Variants in MMRN1 observed in about 807,000 individuals in gnomAD.
MMRN1 encodes the protein multimerin 1.
MMRN1 carries 94 observed loss-of-function variants against 100.7 expected under a neutral mutation model. The ratio of observed to expected loss-of-function variants is 0.93; its 90% CI spans 0.79 to 1.11. The LOEUF (loss-of-function observed/expected upper bound fraction) is 1.11. Among genes scored for constraint, MMRN1 ranks in the 50% least tolerant of loss-of-function variants. The pLI, the probability that MMRN1 is intolerant of heterozygous loss-of-function variation, is 0.00. For missense variants in MMRN1, 1,606 were observed against 1,439.1 expected, an observed-to-expected ratio of 1.12 and a Z score of -1.88; for synonymous variants, 575 against 505.0, an observed-to-expected ratio of 1.14 and a Z score of -1.86.
At chr4:89,951,368 C>A (rs908804232) in intron 6 of MMRN1, 5 of 366,238 alleles carry the variant, frequency 1.4e-5, no homozygotes, top group Non-Finnish European at 2.4e-5. Flanking sequence ...CATTTCACAC[C>A]AATAAATGTA....
rs1721164167 is a variant in MMRN1, at chr4:89,895,353, G to A, written c.382G>A (p.Gly128Arg). The A allele has an allele frequency of 3.1e-6, 5 of 1,613,782 alleles. 1 individual carries two copies. Among genetic ancestry groups the A allele is most frequent in the Middle Eastern group, 3.3e-4 (2 of 6,082 alleles). Residue 128 changes from glycine to arginine, a missense_variant, in exon 1 of 8, where the codon GGA (glycine) becomes AGA (arginine). Physicochemically the swap from Gly to Arg is moderately radical, Grantham distance 125. Transcript: ENST00000264790. ...PTNASIKFNPGAESVVLSNST... is the reference protein window; with the variant it reads ...PTNASIKFNPRAESVVLSNST... ...CAACGCTAGCATCAAGTTCAATCCT[G>A]GAGCAGAATCAGTGGTCCTTTCCAA...
chr4:89,932,586 G>C (rs1302265768), intron 5 of MMRN1, among the ~76,000 whole-genome samples: 1 of 152,160 alleles, frequency 6.6e-6, no homozygotes, highest in Non-Finnish European at 1.5e-5. Context: ...TCTAGGTGGA[G>C]GTTCCCAAAC....
intron 6 of MMRN1, among the ~76,000 whole-genome samples, chr4:89,948,745 G>C (rs1374382225): frequency 1.3e-5 from 2 of 152,148 alleles, no homozygotes; most frequent in Non-Finnish European, 2.9e-5. Flanking sequence ...CAGAGACTTG[G>C]AAAGTCCAGA....
chr4:89,943,057 A>C (rs912689454), intron 6 of MMRN1, among the ~76,000 whole-genome samples: 2 of 152,130 alleles, frequency 1.3e-5, no homozygotes, highest in Admixed American at 6.6e-5. Flanking sequence ...GTAAGAGCAG[A>C]GTCAGAGGAA....
chr4:89,891,371 C>T (rs182099696), upstream of MMRN1, among the ~76,000 whole-genome samples: 3 of 152,062 alleles, frequency 2.0e-5, no homozygotes, highest in Admixed American at 6.5e-5. Context: ...TTCATCTATT[C>T]GTTCACTGAT....
chr4:89,944,746 A>G (rs1722935192), intron 6 of MMRN1, among the ~76,000 whole-genome samples: 1 of 152,172 alleles, frequency 6.6e-6, no homozygotes, highest in Admixed American at 6.6e-5. Context: ...CATTTGGTAA[A>G]ATAATAAGTT....
chr4:89,896,188 C>A (rs1452936101), intron 1 of MMRN1, among the ~76,000 whole-genome samples: 1 of 152,034 alleles, frequency 6.6e-6, no homozygotes, highest in Non-Finnish European at 1.5e-5. Context: ...TAAAACTTTG[C>A]AGGGTTCTCG....
chr4:89,913,078 T>G (rs546829472), intron 3 of MMRN1, among the ~76,000 whole-genome samples: 1 of 151,260 alleles, frequency 6.6e-6, no homozygotes, highest in African/African-American at 2.4e-5. Context: ...CTGAAAATAT[T>G]TGGAAATAAG....
chr4:89,901,696 A>C (rs1407881731), intron 1 of MMRN1, among the ~76,000 whole-genome samples: 1 of 152,064 alleles, frequency 6.6e-6, no homozygotes, highest in Admixed American at 6.6e-5. Flanking sequence ...CAGTGAAATA[A>C]ACACTACATA....
intron 1 of MMRN1, among the ~76,000 whole-genome samples, chr4:89,905,522 T>C (rs925451109): frequency 4.6e-5 from 7 of 151,586 alleles, no homozygotes; most frequent in Admixed American, 2.0e-4. Flanking sequence ...TGAGATCTTA[T>C]ACTTTCTCAA....
At chr4:89,909,158 T>TA in intron 1 of MMRN1, 118 bp from the exon 2 acceptor site, 1 of 1,025,548 alleles carries the variant, frequency 9.8e-7, no homozygotes, top group South Asian at 1.8e-5. Flanking sequence ...ATAGCAATCT[T>TA]ACAAGGTTTC....
chr4:89,941,089 C>A (rs1722807381), intron 6 of MMRN1, among the ~76,000 whole-genome samples: 1 of 152,062 alleles, frequency 6.6e-6, no homozygotes, highest in Non-Finnish European at 1.5e-5. Context: ...TATGATTTTC[C>A]ATATTATAAA....
At chr4:89,949,681 ATAGTT>A (rs1029156982) in intron 6 of MMRN1, among the ~76,000 whole-genome samples, 1 of 152,252 alleles carries the variant, frequency 6.6e-6, no homozygotes, top group Non-Finnish European at 1.5e-5. Flanking sequence ...AATAAGGAAA[ATAGTT>A]TATAGAATAT....
intron 4 of MMRN1, among the ~76,000 whole-genome samples, chr4:89,924,893 A>C (rs1722200233): frequency 1.3e-5 from 2 of 152,068 alleles, no homozygotes; most frequent in African/African-American, 4.8e-5. Flanking sequence ...TTTAACTTTC[A>C]GTTTTTGTGG....
chr4:89,897,713 C>T (rs569886003), intron 1 of MMRN1, among the ~76,000 whole-genome samples: 134 of 152,208 alleles, frequency 8.8e-4, no homozygotes, highest in African/African-American at 3.0e-3. Context: ...ATGTTGGGAA[C>T]AATTTGATGA....
chr4:89,934,878 A>G lies in MMRN1; in HGVS notation c.1198A>G (p.Asn400Asp). The G allele has an allele frequency of 6.3e-7, 1 of 1,591,464 alleles. No homozygotes were observed. The highest frequency in any genetic ancestry group is 8.5e-7 in the Non-Finnish European group (1 of 1,173,408). Residue 400 changes from asparagine to aspartate, a missense_variant, in exon 6 of 8, where the codon AAT (asparagine) becomes GAT (aspartate). Transcript: ENST00000264790. ...AAGAGAACAATTTAAAATTTTTCAA[A>G]ATGACATGCAAGAGACTGTAGCACA... ...IVREQFKIFQNDMQETVAQLF... is the reference protein window; with the variant it reads ...IVREQFKIFQDDMQETVAQLF...
intron 1 of MMRN1, among the ~76,000 whole-genome samples, chr4:89,896,980 C>T (rs1229579493): frequency 6.6e-6 from 1 of 152,052 alleles, no homozygotes; most frequent in African/African-American, 2.4e-5. Flanking sequence ...ATTAAAAAAA[C>T]ATTTAACAGA....
At chr4:89,917,956 A>G (rs1721974258) in intron 3 of MMRN1, among the ~76,000 whole-genome samples, 1 of 151,832 alleles carries the variant, frequency 6.6e-6, no homozygotes, top group African/African-American at 2.4e-5. Context: ...TAAATATCCT[A>G]TTTAATTAGT....
At chr4:89,913,600 C>T (rs1054902417) in intron 3 of MMRN1, among the ~76,000 whole-genome samples, 1 of 151,274 alleles carries the variant, frequency 6.6e-6, no homozygotes, top group Non-Finnish European at 1.5e-5. Context: ...CTGCCACTCT[C>T]ATTTTTCAAA....
Sources: allele counts gnomAD v4.1 joint callset (sites outside exome capture counted in the v4.1 genomes callset), GRCh38; gene constraint gnomAD v4.1.1; transcripts MANE v1.5; gene names NCBI Gene and HGNC (gene_info 2026-07-23, HGNC 2026-07-21).